ENO1: variants seen among roughly 807,000 people sequenced by gnomAD.
The protein encoded by ENO1 is alpha-enolase.
Under a neutral mutation model 46.3 loss-of-function variants are expected in ENO1, and 33 were observed. The observed-to-expected ratio is 0.71, with a 90% confidence interval of 0.54 to 0.95. ENO1 has a LOEUF of 0.95. ENO1 is among the 40% of genes least tolerant of loss of function. ENO1 has a pLI of 0.00. For synonymous variants in ENO1, 220 were observed against 216.0 expected (o/e 1.02, Z -0.16); for missense variants, 488 against 553.3 (o/e 0.88, Z 1.18).
At chr1:8,875,950 C>T (rs950417797) in intron 1 of ENO1, 6 of 151,862 alleles carry the variant, frequency 4.0e-5, no homozygotes, top group Admixed American at 2.6e-4. Flanking sequence ...TTCTTCCCAA[C>T]GGGGTTTTAT....
At chr1:8,863,095 C>T (rs1642438645) in intron 10 of ENO1, 140 bp downstream of exon 10, 10 of 1,339,908 alleles carry the variant, frequency 7.5e-6, no homozygotes, top group Middle Eastern at 1.8e-4. Context: ...CGCTCATGCC[C>T]CCATTCTGTT....
rs1282419223 is a variant in ENO1, at chr1:8,866,384, C to A, written c.562G>T (p.Val188Phe). ...ATGACATTCTTCAGGTTGTGGTAAA[C>A]CTCTGCTCCAATGCGCATGGCTTCC... ...FREAMRIGAE[V>F]YHNLKNVIKE... The change falls in exon 7 of 12, where the codon GTT (valine) becomes TTT (phenylalanine). Residue 188 changes from valine to phenylalanine, a missense_variant. Transcript: ENST00000234590. 2 of 1,614,242 alleles carry A rather than the reference C, an allele frequency of 1.2e-6. No individual in the cohort carries two copies. The highest frequency in any genetic ancestry group is 8.5e-7 in the Non-Finnish European group (1 of 1,180,048).
At chr1:8,861,637 C>T (rs1479157532) in intron 11 of ENO1, among the ~76,000 whole-genome samples, 3 of 152,072 alleles carry the variant, frequency 2.0e-5, no homozygotes, top group Admixed American at 2.0e-4. Context: ...ATTTAGTTCT[C>T]CTCATCCCAA....
intron 3 of ENO1, chr1:8,870,747 C>T (rs754173571): frequency 2.6e-5 from 37 of 1,424,948 alleles, no homozygotes; most frequent in South Asian, 1.7e-4. Context: ...TGGCTCAGAA[C>T]GATCTGACTG....
At chr1:8,874,140 C>T (rs1327564242) in intron 2 of ENO1, among the ~76,000 whole-genome samples, 2 of 152,158 alleles carry the variant, frequency 1.3e-5, no homozygotes, top group Admixed American at 1.3e-4. Flanking sequence ...ACCATCCTAT[C>T]ACACTGTATC....
chr1:8,866,626 C>G (rs557136903), intron 6 of ENO1, 125 bp from the exon 7 acceptor site: 3 of 1,003,348 alleles, frequency 3.0e-6, no homozygotes, highest in Non-Finnish European at 4.5e-6. Context: ...TCTTGAGGAG[C>G]ACCAGAGGGG....
intron 1 of ENO1, chr1:8,876,106 C>T (rs932950004): frequency 3.3e-5 from 5 of 152,064 alleles, no homozygotes; most frequent in Non-Finnish European, 5.9e-5. Flanking sequence ...CCCATTCTTA[C>T]TTTTTTCCTT....
At chr1:8,866,711 C>A (rs1188293780) in intron 6 of ENO1, 3 of 606,944 alleles carry the variant, frequency 4.9e-6, no homozygotes, top group Non-Finnish European at 8.6e-6. Context: ...ACTGGTCTTG[C>A]CTAGAGGCTG....
chr1:8,874,949 A>AT, intron 1 of ENO1, 32 bp from the exon 2 acceptor site: 1 of 1,559,438 alleles, frequency 6.4e-7, no homozygotes, highest in Non-Finnish European at 8.8e-7. Context: ...CATGTTTTCC[A>AT]TAAGCCATAA....
Position 8,867,149 on chromosome 1 carries a change from C to A in ENO1, c.412G>T (p.Ala138Ser). Reference sequence around the variant, plus strand: ...GGCAGGATGACTTCAGAGTTGCCAGCCAAGTCAGCGATGTGGCGGTACAGG... The same window carrying A: ...GGCAGGATGACTTCAGAGTTGCCAGACAAGTCAGCGATGTGGCGGTACAGG... ...VPLYRHIADLAGNSEVILPVP... is the reference protein window; with the variant it reads ...VPLYRHIADLSGNSEVILPVP... The change falls in exon 6 of 12, where the codon GCT becomes TCT. Residue 138 changes from alanine (A) to serine (S), a missense_variant. Transcript: ENST00000234590. The A allele has an allele frequency of 6.2e-7, 1 of 1,614,110 alleles. No homozygotes were observed. Among genetic ancestry groups the A allele is most frequent in the Non-Finnish European group, 8.5e-7 (1 of 1,179,986 alleles).
intron 1 of ENO1, chr1:8,877,934 C>A (rs1161878142): frequency 6.6e-6 from 1 of 152,150 alleles, no homozygotes; most frequent in Non-Finnish European, 1.5e-5. Context: ...AGCCGGGGAG[C>A]CGCTCTTGCC....
intron 4 of ENO1, 145 bp downstream of exon 4, chr1:8,870,307 G>A: frequency 9.7e-7 from 1 of 1,027,598 alleles, no homozygotes; most frequent in Non-Finnish European, 1.4e-6. Flanking sequence ...ATTATGTCAT[G>A]CATGGATTGT....
At position 8,861,225 on chromosome 1, in the gene ENO1, A is replaced by G; in HGVS notation, c.*135T>C. 1 of 850,868 alleles carries G rather than the reference A, an allele frequency of 1.2e-6. No individual in the cohort carries two copies. Among genetic ancestry groups the G allele is most frequent in the Non-Finnish European group, 1.8e-6 (1 of 541,112 alleles). 52.7% of individuals were successfully genotyped at this position (850,868 alleles called of 1,614,324 possible). ...GTAGAAGTTCTAAGGAAGCGGTACG[A>G]ACTCCACGGCGGTGGGGCGCTAACT... On this transcript the variant is annotated 3_prime_UTR_variant, in exon 12 of 12. Coordinates refer to ENST00000234590, the MANE Select transcript of ENO1 (RefSeq NM_001428.5).
chr1:8,870,954 G>A (rs1642619932), intron 3 of ENO1: 3 of 1,248,444 alleles, frequency 2.4e-6, no homozygotes, highest in Non-Finnish European at 3.0e-6. Flanking sequence ...AGGACTGCGA[G>A]TGAGAGACAG....
At chr1:8,870,631 C>A (rs1642611434) in intron 3 of ENO1, 121 bp from the exon 4 acceptor site, 3 of 1,525,282 alleles carry the variant, frequency 2.0e-6, no homozygotes, top group South Asian at 1.2e-5. Context: ...TTCTGTGGGA[C>A]CTCTTCCCCC....
At chr1:8,876,992 AT>A (rs781048965) in intron 1 of ENO1, among the ~76,000 whole-genome samples, 4,149 of 136,730 alleles carry the variant, frequency 0.03, 132 homozygotes, top group African/African-American at 0.086. Context: ...CGCCCAGGTG[AT>A]TTTTTTTTTT....
chr1:8,870,557 G>A (rs752691268), intron 3 of ENO1, 47 bp from the exon 4 acceptor site: 1 of 1,612,808 alleles, frequency 6.2e-7, no homozygotes, highest in Admixed American at 1.7e-5. Context: ...CTTTAAAACA[G>A]GCTTGAGCAG....
chr1:8,863,203 C>G, intron 10 of ENO1, 32 bp downstream of exon 10: 1 of 1,611,024 alleles, frequency 6.2e-7, no homozygotes. Context: ...AAGTTGAGGT[C>G]AGAGAAGAAA....
chr1:8,870,255 C>T, intron 4 of ENO1, 197 bp downstream of exon 4: 1 of 613,848 alleles, frequency 1.6e-6, no homozygotes, highest in Non-Finnish European at 2.8e-6. Flanking sequence ...GATGCAATTC[C>T]ATCTGCTCCC....
Sources: gnomAD v4.1 joint callset for allele counts (sites outside exome capture counted in the v4.1 genomes callset) on GRCh38, gnomAD v4.1.1 for gene constraint, MANE v1.5 for transcripts, NCBI Gene and HGNC (gene_info 2026-07-23, HGNC 2026-07-21) for gene names.